The following AK9 variants were observed in gnomAD, a reference collection of about 807,000 sequenced individuals.
The protein encoded by AK9 is adenylate kinase 9, also known as adenylate kinase domain containing 1.
A neutral mutation model predicts 239.6 loss-of-function variants in AK9; 191 were observed. The ratio of observed to expected loss-of-function variants is 0.80; its 90% CI spans 0.71 to 0.90. The LOEUF (loss-of-function observed/expected upper bound fraction) is 0.90, where lower values mean the gene tolerates loss of function less well. Among genes scored for constraint, AK9 ranks in the 40% least tolerant of loss-of-function variants. The pLI is 0.00. For missense variants in AK9, 1,995 were observed against 2,214.7 expected, an observed-to-expected ratio of 0.90 and a Z score of 1.99; for synonymous variants, 689 against 721.0, an observed-to-expected ratio of 0.96 and a Z score of 0.71.
chr6:109,542,411 GGAAA>G (rs1783013925), intron 26 of AK9, among the ~76,000 whole-genome samples: 1 of 152,066 alleles, frequency 6.6e-6, no homozygotes, highest in African/African-American at 2.4e-5. Flanking sequence ...TAGCACAGAG[GGAAA>G]CTATAGTTAG....
intron 38 of AK9, among the ~76,000 whole-genome samples, chr6:109,497,026 C>T (rs1238694393): frequency 6.6e-6 from 1 of 152,150 alleles, no homozygotes; most frequent in Admixed American, 6.5e-5. Flanking sequence ...CGCCTTCACT[C>T]CGTCCCCTCT....
At chr6:109,577,904 C>CTCTT (rs149858598) in intron 20 of AK9, among the ~76,000 whole-genome samples, 28 of 137,220 alleles carry the variant, frequency 2.0e-4, no homozygotes, top group East Asian at 1.5e-3. Flanking sequence ...CTCTCTTTCT[C>CTCTT]TCTTTCTTTC....
chr6:109,594,953 A>G (rs1306960276), intron 17 of AK9, among the ~76,000 whole-genome samples: 7 of 152,180 alleles, frequency 4.6e-5, no homozygotes, highest in Non-Finnish European at 8.8e-5. Context: ...GCATGCACAA[A>G]GACTTCATGA....
chr6:109,661,525 T>A (rs731878), intron 6 of AK9, among the ~76,000 whole-genome samples: 4 of 152,126 alleles, frequency 2.6e-5, no homozygotes, highest in Admixed American at 6.5e-5. Flanking sequence ...TTTCCTAGGC[T>A]TAGTTTTTGT....
At chr6:109,660,715 T>C (rs1051947046) in intron 6 of AK9, among the ~76,000 whole-genome samples, 4 of 152,170 alleles carry the variant, frequency 2.6e-5, no homozygotes, top group African/African-American at 9.6e-5. Context: ...CTAATGAAAG[T>C]GTGAGTCTGA....
At chr6:109,665,172 T>C (rs1191901193) in intron 5 of AK9, among the ~76,000 whole-genome samples, 1 of 152,224 alleles carries the variant, frequency 6.6e-6, no homozygotes, top group Non-Finnish European at 1.5e-5. Context: ...TTGGGCTCTA[T>C]CCAGAGAAGC....
chr6:109,614,597 T>G (rs1010543189), intron 13 of AK9, 117 bp from the exon 14 acceptor site: 1 of 776,044 alleles, frequency 1.3e-6, no homozygotes, highest in Non-Finnish European at 2.2e-6. Context: ...TTCTGACTTA[T>G]AAGCTGTAAG....
chr6:109,600,418 G>T (rs1293835761), intron 17 of AK9, among the ~76,000 whole-genome samples: 1 of 152,172 alleles, frequency 6.6e-6, no homozygotes, highest in South Asian at 2.1e-4. Context: ...TTGCATCCCA[G>T]GGATGAAGCC....
intron 10 of AK9, among the ~76,000 whole-genome samples, chr6:109,637,555 C>G (rs1206551716): frequency 6.6e-6 from 1 of 152,038 alleles, no homozygotes; most frequent in African/African-American, 2.4e-5. Flanking sequence ...CTTTTGTAGT[C>G]TCTGCCTTTG....
Position 109,511,350 on chromosome 6 carries a change from T to G in AK9, c.4280-1970A>C, listed in dbSNP as rs193105500. 3.1e-3 allele frequency among the ~76,000 whole-genome samples: 465 copies of G among 152,338 alleles called. 3 individuals are homozygous for G. The highest frequency in any genetic ancestry group is 0.011 in the African/African-American group (454 of 41,572). ...AAATGTATAATGGCACACTTGACAT[T>G]TTAATAGTGACTTACAGCCTATGAG... On this transcript the variant is annotated intron_variant, in intron 32 of 40. Transcript: ENST00000424296.
At chr6:109,535,070 G>A (rs975397201) in intron 27 of AK9, among the ~76,000 whole-genome samples, 3 of 152,196 alleles carry the variant, frequency 2.0e-5, no homozygotes, top group Non-Finnish European at 4.4e-5. Flanking sequence ...AAACATACGT[G>A]TGCATGTGGC....
At chr6:109,514,161 T>G (rs1256738345) in intron 32 of AK9, 63 bp downstream of exon 32, 1 of 1,429,668 alleles carries the variant, frequency 7.0e-7, no homozygotes, top group African/African-American at 1.4e-5. Flanking sequence ...TGACCTGCCA[T>G]GTGCATTGGG....
At chr6:109,557,202 T>C (rs528641189) in intron 24 of AK9, among the ~76,000 whole-genome samples, 6 of 152,252 alleles carry the variant, frequency 3.9e-5, no homozygotes, top group Admixed American at 3.9e-4. Flanking sequence ...ATGCTGTTGT[T>C]GTCACTTTCT....
chr6:109,536,174 C>T (rs369895218), intron 27 of AK9, among the ~76,000 whole-genome samples: 27 of 152,188 alleles, frequency 1.8e-4, no homozygotes, highest in African/African-American at 6.3e-4. Context: ...GGGGATGGCA[C>T]TGAATCTATA....
chr6:109,506,256 C>A (rs1778107815), intron 35 of AK9, 71 bp downstream of exon 35: 2 of 1,388,776 alleles, frequency 1.4e-6, no homozygotes, highest in Admixed American at 1.7e-5. Flanking sequence ...GAATGAATTA[C>A]AGTAACATGA....
chr6:109,638,066 A>G (rs9386829), intron 10 of AK9, among the ~76,000 whole-genome samples: 31,582 of 152,166 alleles, frequency 0.21, 3,467 homozygotes, highest in South Asian at 0.34. Flanking sequence ...TGACTCCAGC[A>G]TACACAGCCA....
chr6:109,567,039 CAA>C (rs1331657735), intron 21 of AK9, among the ~76,000 whole-genome samples: 1 of 152,018 alleles, frequency 6.6e-6, no homozygotes, highest in Non-Finnish European at 1.5e-5. Flanking sequence ...CAAGAGCAAA[CAA>C]ATTCAAAAGC....
chr6:109,589,299 G>A (rs1789913817), intron 17 of AK9, among the ~76,000 whole-genome samples: 1 of 151,944 alleles, frequency 6.6e-6, no homozygotes, highest in African/African-American at 2.4e-5. Context: ...CACCTCCTTG[G>A]TTAAATGTAT....
At chr6:109,593,621 T>A (rs957309691) in intron 17 of AK9, among the ~76,000 whole-genome samples, 1 of 152,102 alleles carries the variant, frequency 6.6e-6, no homozygotes, top group South Asian at 2.1e-4. Context: ...CTCAATAAAA[T>A]ACTGGCAAAC....
Sources: gnomAD v4.1 joint callset for allele counts (sites outside exome capture counted in the v4.1 genomes callset) on GRCh38, gnomAD v4.1.1 for gene constraint, MANE v1.5 for transcripts, NCBI Gene and HGNC (gene_info 2026-07-23, HGNC 2026-07-21) for gene names.